The following ZNF578 variants were observed in gnomAD, a reference collection of about 807,000 sequenced individuals.
ZNF578 encodes the protein Putative chemokine-related protein B42.
Under a neutral mutation model 8.3 loss-of-function variants are expected in ZNF578, and 8 were observed. The observed-to-expected ratio is 0.96, with a 90% CI of 0.56 to 1.74. ZNF578 has a LOEUF of 1.74. Among genes scored for constraint, ZNF578 ranks in the 40% most tolerant of loss-of-function variants. The probability of loss-of-function intolerance (pLI) is 0.00; values close to 1 mark genes in which losing one functional copy is unlikely to be tolerated. For synonymous variants in ZNF578, 206 were observed against 232.2 expected (o/e 0.89, Z 1.03); for missense variants, 726 against 707.5 (o/e 1.03, Z -0.30).
At chr19:52,468,369 T>G (rs1437004351) in intron 2 of ZNF578, among the ~76,000 whole-genome samples, 1 of 152,218 alleles carries the variant, frequency 6.6e-6, no homozygotes. Context: ...CTAAACAGTA[T>G]TTCACAAGCA....
At position 52,459,769 on chromosome 19, in the gene ZNF578, A is replaced by ATATATTTTTTTTTT. The variant is rs1555751349; in HGVS notation, c.-122+2812_-122+2813insATATTTTTTTTTTT. Among the ~76,000 whole-genome samples, 10 of 17,620 alleles carry ATATATTTTTTTTTT rather than the reference A, an allele frequency of 5.7e-4. 3 individuals are homozygous for ATATATTTTTTTTTT. Among genetic ancestry groups the ATATATTTTTTTTTT allele is most frequent in the Admixed American group, 1.8e-3 (1 of 552 alleles). 11.6% of individuals were successfully genotyped at this position (17,620 alleles called of 152,430 possible). On this transcript the variant is annotated intron_variant, in intron 2 of 5. Coordinates refer to ENST00000421239, the MANE Select transcript of ZNF578 (RefSeq NM_001099694.2). ...TGTGTGTGTATATATATATATATAT[A>ATATATTTTTTTTTT]TTTTTTTTTTTTTTTTTTTTTTTTG...
rs548952356 is a variant in ZNF578 at position 52,464,886 on chromosome 19, A to G, written c.-122+7928A>G. Among the ~76,000 whole-genome samples the G allele has an allele frequency of 6.6e-5, 10 of 152,314 alleles. No individual in the cohort carries two copies. The South Asian group carries it at 2.1e-3, about 32-fold the overall frequency. ...CTGCCTCTGCTAAAGGAATTGTAAA[A>G]AAGCAGTCTTTTTAAATCTATAATA... On this transcript the variant is annotated intron_variant, in intron 2 of 5. Transcript: ENST00000421239.
At chr19:52,500,224 C>G (rs7257677) in intron 3 of ZNF578, among the ~76,000 whole-genome samples, 28,980 of 151,782 alleles carry the variant, frequency 0.19, 2,973 homozygotes, top group Non-Finnish European at 0.23. Context: ...AGGTGGTCGG[C>G]GCAGAGCTTA....
chr19:52,513,547 G>A lies in ZNF578; in HGVS notation c.*1393G>A, dbSNP rs1226256795. Among the ~76,000 whole-genome samples the A allele has an allele frequency of 6.6e-6, 1 of 151,500 alleles. No homozygotes were observed. The highest frequency in any genetic ancestry group is 1.5e-5 in the Non-Finnish European group (1 of 67,880). ...AGATTGAGACCGTCCTGGCTAACACGGTGAAACCTCGTCTCTACTAAAAAT... is the reference window on the plus strand; with the variant it reads ...AGATTGAGACCGTCCTGGCTAACACAGTGAAACCTCGTCTCTACTAAAAAT... On this transcript the variant is annotated 3_prime_UTR_variant, in exon 6 of 6. Coordinates refer to ENST00000421239, the MANE Select transcript of ZNF578 (RefSeq NM_001099694.2).
Position 52,511,982 on chromosome 19 carries a change from C to T in ZNF578, c.1601C>T (p.Thr534Ile), listed in dbSNP as rs370568918. The change falls in exon 6 of 6, where the codon ACT becomes ATT. Residue 534 changes from threonine (T) to isoleucine (I), a missense_variant. Physicochemically the swap from Thr to Ile is moderately conservative, Grantham distance 89. Transcript: ENST00000421239. The part of the protein sequence containing the change: ...SHLSRHHRLH[T>I]GEKPYKCKVC... ...CTTTCACGTCATCATAGACTTCATA[C>T]TGGAGAGAAACCTTACAAATGTAAG... 6.2e-7 allele frequency: 1 copy of T among 1,614,086 alleles called. No homozygotes were observed. Among genetic ancestry groups the T allele is most frequent in the South Asian group, 1.1e-5 (1 of 91,084 alleles).
chr19:52,485,607 C>T (rs1289574231), intron 2 of ZNF578, among the ~76,000 whole-genome samples: 3 of 152,156 alleles, frequency 2.0e-5, no homozygotes, highest in Non-Finnish European at 4.4e-5. Context: ...TAAGAGACTT[C>T]CTTTTGTTCT....
At chr19:52,500,484 G>A (rs1207562463) in intron 3 of ZNF578, among the ~76,000 whole-genome samples, 10 of 149,590 alleles carry the variant, frequency 6.7e-5, no homozygotes, top group Non-Finnish European at 1.0e-4. Context: ...TTGGCTCACT[G>A]CAACCTCTCC....
At position 52,511,479 on chromosome 19, in the gene ZNF578, T is replaced by C; in HGVS notation, c.1098T>C (p.Thr366=). 6.2e-7 allele frequency: 1 copy of C among 1,614,074 alleles called. No homozygotes were observed. The highest frequency in any genetic ancestry group is 1.1e-5 in the South Asian group (1 of 91,080). ...TTAGATGCCATCGTAGACTTCATAC[T>C]GGAATAAAACCTTACAAGTGTAATG... ...SSLRCHRRLH[T]GIKPYKCNEC... is the part of the protein sequence containing the mutation. Residue 366 remains threonine (T), a synonymous_variant, in exon 6 of 6, where the codon ACT becomes ACC. Coordinates refer to ENST00000421239, the MANE Select transcript of ZNF578 (RefSeq NM_001099694.2).
Position 52,512,484 on chromosome 19 carries a change from G to T in ZNF578, c.*330G>T. 1 of 1,223,466 alleles carries T rather than the reference G, an allele frequency of 8.2e-7. No homozygotes were observed. Among genetic ancestry groups the T allele is most frequent in the Non-Finnish European group, 1.2e-6 (1 of 848,872 alleles). The allele number at this position is 1,223,466 out of a possible 1,614,324, so 75.8% of individuals were successfully genotyped here. ...ATCGTTCATACCTTGCAGTTCATCA[G>T]TGAACTCATACTGGAGAGAAACCTT... On this transcript the variant is annotated 3_prime_UTR_variant, in exon 6 of 6. Coordinates refer to ENST00000421239, the MANE Select transcript of ZNF578 (RefSeq NM_001099694.2).
At chr19:52,472,141 A>G (rs2059293840) in intron 2 of ZNF578, among the ~76,000 whole-genome samples, 1 of 152,206 alleles carries the variant, frequency 6.6e-6, no homozygotes, top group Non-Finnish European at 1.5e-5. Context: ...CTGTATTCCC[A>G]GCACTTTGGG....
At chr19:52,490,698 C>T (rs564835155) in intron 2 of ZNF578, among the ~76,000 whole-genome samples, 9 of 151,100 alleles carry the variant, frequency 6.0e-5, no homozygotes, top group African/African-American at 1.9e-4. Flanking sequence ...AGTGCAGTGG[C>T]ACAATCTGGG....
Position 52,510,816 on chromosome 19 carries a change from G to T in ZNF578, c.435G>T (p.Arg145Ser), listed in dbSNP as rs762041988. The change falls in exon 6 of 6, where the codon AGG (arginine) becomes AGT (serine). Residue 145 changes from arginine (R) to serine (S), a missense_variant. By Grantham distance (110) the Arg-to-Ser change is moderately radical. Coordinates refer to ENST00000421239, the MANE Select transcript of ZNF578 (RefSeq NM_001099694.2). Reference protein sequence around the residue: ...LMGSTDRHDQRHAGNKPIKDQ... With the variant: ...LMGSTDRHDQSHAGNKPIKDQ... The stretch of plus-strand genomic sequence containing the variant: ...GTAGCACAGACCGACATGATCAAAG[G>T]CATGCTGGAAACAAGCCTATTAAAG... 6 of 1,614,024 alleles carry T rather than the reference G, an allele frequency of 3.7e-6. No individual in the cohort carries two copies. The highest frequency in any genetic ancestry group is 5.1e-6 in the Non-Finnish European group (6 of 1,180,026).
intron 2 of ZNF578, among the ~76,000 whole-genome samples, chr19:52,480,058 T>C (rs1020138588): frequency 8.5e-5 from 13 of 152,252 alleles, no homozygotes; most frequent in African/African-American, 2.4e-4. Flanking sequence ...TACAGGTGCC[T>C]GCCACCATGC....
At chr19:52,500,280 A>G (rs1472002989) in intron 3 of ZNF578, among the ~76,000 whole-genome samples, 1 of 152,190 alleles carries the variant, frequency 6.6e-6, no homozygotes, top group African/African-American at 2.4e-5. Context: ...CAATATATGT[A>G]AGAAGTACGT....
chr19:52,486,074 G>A (rs370593268), intron 2 of ZNF578, among the ~76,000 whole-genome samples: 4 of 152,212 alleles, frequency 2.6e-5, no homozygotes, highest in Non-Finnish European at 4.4e-5. Flanking sequence ...TGTAAAACCC[G>A]ATTGTATGTT....
intron 3 of ZNF578, among the ~76,000 whole-genome samples, chr19:52,501,436 G>A (rs2059406853): frequency 1.3e-5 from 2 of 152,246 alleles, no homozygotes. Flanking sequence ...TGTCATCTGT[G>A]TGCAGCATTG....
intron 3 of ZNF578, among the ~76,000 whole-genome samples, chr19:52,492,157 CAAAAAAAAAAAAAAAAAAAAA>C (rs869249180): frequency 3.0e-5 from 2 of 67,638 alleles, no homozygotes; most frequent in Non-Finnish European, 5.6e-5. Context: ...GATTCTGTCT[CAAAAAAAAAAAAAAAAAAAAA>C]AAAAAAAAAA....
chr19:52,504,137 A>C (rs551591242), intron 4 of ZNF578, among the ~76,000 whole-genome samples: 1 of 144,526 alleles, frequency 6.9e-6, no homozygotes, highest in African/African-American at 2.6e-5. Flanking sequence ...GTTGCCCAGG[A>C]TGGAGGGCAG....
At chr19:52,492,137 GAC>G (rs1452308977) in intron 3 of ZNF578, among the ~76,000 whole-genome samples, 2 of 128,612 alleles carry the variant, frequency 1.6e-5, no homozygotes, top group African/African-American at 6.0e-5. Flanking sequence ...CAGCCTGGGC[GAC>G]AGAGAGAGAT....
Sources: allele counts gnomAD v4.1 joint callset (sites outside exome capture counted in the v4.1 genomes callset), GRCh38; gene constraint gnomAD v4.1.1; transcripts MANE v1.5; gene names NCBI Gene and HGNC (gene_info 2026-07-23, HGNC 2026-07-21).